EBPL: variants seen among roughly 807,000 people sequenced by gnomAD.
EBPL encodes EBP like, also known as emopamil-binding protein-like.
A neutral mutation model predicts 19.0 loss-of-function variants in EBPL; 20 were observed. That is an observed-to-expected ratio of 1.05 (90% CI 0.74 to 1.53). The LOEUF (loss-of-function observed/expected upper bound fraction) is 1.53. EBPL is among the 40% of genes most tolerant of loss of function. EBPL has a pLI of 0.00. For missense variants in EBPL, 219 were observed against 261.1 expected, an observed-to-expected ratio of 0.84 and a Z score of 1.11; for synonymous variants, 107 against 117.0, an observed-to-expected ratio of 0.91 and a Z score of 0.55.
chr13:49,669,844 T>C lies in EBPL; in HGVS notation c.174A>G (p.Glu58=), dbSNP rs1320275864. 1 of 1,612,910 alleles carries C rather than the reference T, an allele frequency of 6.2e-7. No homozygotes were observed. The highest frequency in any genetic ancestry group is 8.5e-7 in the Non-Finnish European group (1 of 1,179,044). The change falls in exon 2 of 4, where the codon GAA becomes GAG. Residue 58 remains glutamate (E), a splice_region_variant and synonymous_variant. Coordinates refer to ENST00000242827, the MANE Select transcript of EBPL (RefSeq NM_032565.5). ...CYDALVHFAL[E]GPFVYLSLVG... ...CTAAAGACAAGTAGACAAAAGGGCC[T>C]TCCTAGAGAGGAGAAAATGAAGACA...
At chr13:49,661,766 T>C (rs1965151932) in intron 3 of EBPL, 1 of 1,488,866 alleles carries the variant, frequency 6.7e-7, no homozygotes, top group Non-Finnish European at 8.9e-7. Context: ...AAATTTAATT[T>C]TTATTGCCAA....
chr13:49,676,624 A>G (rs1953879595), intron 1 of EBPL, among the ~76,000 whole-genome samples: 1 of 151,666 alleles, frequency 6.6e-6, no homozygotes, highest in Non-Finnish European at 1.5e-5. Context: ...AAATAAATAA[A>G]TAAATAAGAA....
chr13:49,669,623 A>G (rs749133381), intron 2 of EBPL, among the ~76,000 whole-genome samples, 154 bp downstream of exon 2: 2 of 148,646 alleles, frequency 1.3e-5, no homozygotes, highest in African/African-American at 2.5e-5. Context: ...CCTCATTCCC[A>G]CGCAACCAGT....
At chr13:49,681,287 G>A (rs756860573) in intron 1 of EBPL, among the ~76,000 whole-genome samples, 5 of 145,972 alleles carry the variant, frequency 3.4e-5, no homozygotes, top group Non-Finnish European at 4.6e-5. Context: ...AGATGTCCCA[G>A]GCATGAAATT....
At chr13:49,680,380 G>A (rs539131591) in intron 1 of EBPL, among the ~76,000 whole-genome samples, 1 of 152,214 alleles carries the variant, frequency 6.6e-6, no homozygotes, top group East Asian at 1.9e-4. Context: ...TACTTCAGCA[G>A]TAACAATGAA....
At chr13:49,668,522 C>T (rs1350285800) in intron 2 of EBPL, 6 of 317,792 alleles carry the variant, frequency 1.9e-5, no homozygotes, top group South Asian at 4.6e-5. Context: ...TGCAGTGAGC[C>T]GAGATGGTGC....
At chr13:49,667,451 A>G (rs1965244952) in intron 2 of EBPL, among the ~76,000 whole-genome samples, 1 of 152,138 alleles carries the variant, frequency 6.6e-6, no homozygotes, top group Admixed American at 6.6e-5. Context: ...CTGGCCCTGC[A>G]TCCCAGTGAA....
chr13:49,685,670 C>T (rs984248479), intron 1 of EBPL, among the ~76,000 whole-genome samples: 3 of 151,974 alleles, frequency 2.0e-5, no homozygotes, highest in Admixed American at 6.6e-5. Flanking sequence ...GTCAGGAGTT[C>T]GAAACCAGCC....
At chr13:49,689,420 G>A (rs2137515595) in intron 1 of EBPL, among the ~76,000 whole-genome samples, 1 of 152,224 alleles carries the variant, frequency 6.6e-6, no homozygotes, top group Middle Eastern at 3.4e-3. Flanking sequence ...CTTGATCATG[G>A]CTCACTACAA....
At chr13:49,662,579 T>C (rs1965166248) in intron 3 of EBPL, among the ~76,000 whole-genome samples, 2 of 152,154 alleles carry the variant, frequency 1.3e-5, no homozygotes, top group African/African-American at 4.8e-5. Flanking sequence ...CTGAAAAGTC[T>C]GAAATGATCC....
chr13:49,662,532 GGTT>G lies in EBPL; in HGVS notation c.380+522_380+524del, dbSNP rs577400189. On this transcript the variant is annotated intron_variant, in intron 3 of 3. Coordinates refer to ENST00000242827, the MANE Select transcript of EBPL (RefSeq NM_032565.5). ...ACCATTCTTGCCTCTACAGAGTCTA[GGTT>G]GTTATTAAAATAATATTTCTCATAT... 3.3e-3 allele frequency among the ~76,000 whole-genome samples: 509 copies of G among 152,242 alleles called. 1 individual carries two copies. Among genetic ancestry groups the G allele is most frequent in the Non-Finnish European group, 4.9e-3 (334 of 68,002 alleles).
Position 49,691,395 on chromosome 13 carries a change from C to A in EBPL, c.30G>T (p.Glu10Asp). ...CGCACAGCAGCAGCGAACCGCCAGC[C>A]TCGGCCCCCAGCTCCCACTCAGCGC... is the stretch of plus-strand genomic sequence containing the variant. MGAEWELGAEAGGSLLLCAA... is the reference protein window; with the variant it reads MGAEWELGADAGGSLLLCAA... The change falls in exon 1 of 4, where the codon GAG (glutamate) becomes GAT (aspartate). Residue 10 changes from glutamate (E) to aspartate (D), a missense_variant. Glu to Asp is a conservative substitution (Grantham distance 45). This residue lies in a region of EBPL where 170 missense variants were observed against 167.0 expected (regional missense o/e 1.02). Transcript: ENST00000242827. 1 of 1,365,962 alleles carries A rather than the reference C, an allele frequency of 7.3e-7. No individual in the cohort carries two copies. The highest frequency in any genetic ancestry group is 2.2e-5 in the South Asian group (1 of 45,490). The allele number at this position is 1,365,962 out of a possible 1,614,324, so 84.6% of individuals were successfully genotyped here.
intron 2 of EBPL, chr13:49,668,440 G>A (rs1482606145): frequency 8.5e-6 from 2 of 235,502 alleles, no homozygotes; most frequent in East Asian, 1.7e-4. Flanking sequence ...TAGGCGTGGT[G>A]GCGGGCGCCT....
intron 1 of EBPL, among the ~76,000 whole-genome samples, chr13:49,688,192 T>C (rs1033464693): frequency 1.3e-5 from 2 of 152,050 alleles, no homozygotes; most frequent in African/African-American, 4.8e-5. Context: ...ATTTCCTTCT[T>C]CTAGTATGTT....
At chr13:49,686,444 C>G (rs1455626117) in intron 1 of EBPL, 2 of 1,279,830 alleles carry the variant, frequency 1.6e-6, no homozygotes, top group East Asian at 5.6e-5. Flanking sequence ...CCCACTCTCA[C>G]CATTGACTTC....
At chr13:49,669,485 A>C (rs1441577524) in intron 2 of EBPL, among the ~76,000 whole-genome samples, 1 of 152,050 alleles carries the variant, frequency 6.6e-6, no homozygotes, top group Non-Finnish European at 1.5e-5. Context: ...CTATTTAAAT[A>C]ATTGGTTTTA....
intron 1 of EBPL, among the ~76,000 whole-genome samples, chr13:49,689,525 A>G (rs1954037480): frequency 6.6e-6 from 1 of 151,792 alleles, no homozygotes; most frequent in Non-Finnish European, 1.5e-5. Context: ...ATTTTTGTAT[A>G]TTTAGTACAG....
chr13:49,662,913 G>A (rs928864663), intron 3 of EBPL, 144 bp downstream of exon 3: 3 of 1,077,960 alleles, frequency 2.8e-6, no homozygotes, highest in Middle Eastern at 3.1e-4. Context: ...TGGGATTACA[G>A]GTGGGAGCCA....
At chr13:49,672,891 C>G (rs1046717168) in intron 1 of EBPL, among the ~76,000 whole-genome samples, 9 of 152,108 alleles carry the variant, frequency 5.9e-5, no homozygotes, top group Non-Finnish European at 1.3e-4. Context: ...AACCCCACCT[C>G]TACTAATAAT....
Sources: allele counts gnomAD v4.1 joint callset (sites outside exome capture counted in the v4.1 genomes callset), GRCh38; gene constraint gnomAD v4.1.1; regional missense constraint gnomAD v4.1.1; transcripts MANE v1.5; gene names NCBI Gene and HGNC (gene_info 2026-07-23, HGNC 2026-07-21).